The following TMEFF2 variants were observed in gnomAD, a reference collection of about 807,000 sequenced individuals.
The protein encoded by TMEFF2 is tomoregulin-2.
A neutral mutation model predicts 53.8 loss-of-function variants in TMEFF2; 28 were observed. That is an observed-to-expected ratio of 0.52 (90% CI 0.39 to 0.71). The LOEUF (loss-of-function observed/expected upper bound fraction) is 0.71. TMEFF2 is among the 30% of genes least tolerant of loss of function. The probability of loss-of-function intolerance (pLI) is 0.00; values close to 1 mark genes in which losing one functional copy is unlikely to be tolerated. For missense variants in TMEFF2, 353 were observed against 455.2 expected (o/e 0.78, Z 2.04); for synonymous variants, 162 against 166.3 (o/e 0.97, Z 0.20).
At chr2:192,103,854 G>A (rs1445923975) in intron 4 of TMEFF2, among the ~76,000 whole-genome samples, 1 of 151,450 alleles carries the variant, frequency 6.6e-6, no homozygotes, top group African/African-American at 2.4e-5. Flanking sequence ...GAGAGTAGAG[G>A]GAAAAAGAAA....
chr2:192,002,030 ATTTATTAT>A (rs1289631009), intron 5 of TMEFF2, among the ~76,000 whole-genome samples: 11 of 129,652 alleles, frequency 8.5e-5, no homozygotes, highest in African/African-American at 3.2e-4. Context: ...TTATTTATTT[ATTTATTAT>A]TTTTCAGTTT....
chr2:192,172,827 G>A (rs1389527158), intron 4 of TMEFF2, among the ~76,000 whole-genome samples: 1 of 151,896 alleles, frequency 6.6e-6, no homozygotes, highest in African/African-American at 2.4e-5. Context: ...CATAGAAGAT[G>A]ATGTCTGGTA....
chr2:192,010,292 G>T (rs1686595636), intron 5 of TMEFF2, among the ~76,000 whole-genome samples: 1 of 152,168 alleles, frequency 6.6e-6, no homozygotes, highest in Non-Finnish European at 1.5e-5. Flanking sequence ...TCCGAGAGAG[G>T]ACTGTGTGGT....
rs767041385 is a variant in TMEFF2, at chr2:192,003,926, T to TG, written c.537-4719dup. ...ATGAGTGAAAAAATTTGTGTGTGTG[T>TG]GTGGGGGGGGGGCTCACACTCACCT... On this transcript the variant is annotated intron_variant, in intron 5 of 9. Transcript: ENST00000272771. 7.8e-4 allele frequency among the ~76,000 whole-genome samples: 75 copies of TG among 96,452 alleles called. 3 individuals carry two copies. The highest frequency in any genetic ancestry group is 2.8e-3 in the African/African-American group (61 of 21,412). 63.3% of individuals were successfully genotyped at this position (96,452 alleles called of 152,430 possible).
chr2:192,138,350 A>G (rs1180893175), intron 4 of TMEFF2, among the ~76,000 whole-genome samples: 1 of 152,222 alleles, frequency 6.6e-6, no homozygotes, highest in East Asian at 1.9e-4. Context: ...GGGATAATAC[A>G]TTGCATTGCT....
chr2:192,184,783 C>T (rs917789757), intron 2 of TMEFF2, among the ~76,000 whole-genome samples: 2 of 151,908 alleles, frequency 1.3e-5, no homozygotes. Context: ...TATATTAATG[C>T]TACTTAATAT....
chr2:191,951,102 A>G (rs10173602), intron 9 of TMEFF2, among the ~76,000 whole-genome samples: 42,701 of 152,016 alleles, frequency 0.28, 6,141 homozygotes, highest in African/African-American at 0.31. Context: ...CAGAATATAT[A>G]AAAATATATG....
At chr2:192,153,954 A>C (rs1340155117) in intron 4 of TMEFF2, among the ~76,000 whole-genome samples, 1 of 151,846 alleles carries the variant, frequency 6.6e-6, no homozygotes, top group Non-Finnish European at 1.5e-5. Context: ...AAATTCTTAC[A>C]TGGTTGGGGG....
At chr2:192,058,972 C>T (rs200392682) in intron 4 of TMEFF2, among the ~76,000 whole-genome samples, 4 of 115,244 alleles carry the variant, frequency 3.5e-5, no homozygotes, top group Admixed American at 1.0e-4. Flanking sequence ...CTCTTCATTT[C>T]TTTTTTGTTT....
intron 4 of TMEFF2, among the ~76,000 whole-genome samples, chr2:192,171,818 A>G (rs1690921042): frequency 6.6e-6 from 1 of 151,922 alleles, no homozygotes; most frequent in African/African-American, 2.4e-5. Context: ...CATCACACTC[A>G]TTACCATATG....
chr2:192,193,736 TGAGAGAGA>T (rs201001713), intron 1 of TMEFF2, among the ~76,000 whole-genome samples: 3 of 119,320 alleles, frequency 2.5e-5, no homozygotes, highest in African/African-American at 3.4e-5. Context: ...GAGAAGGGAA[TGAGAGAGA>T]GAGAGAGATA....
chr2:192,124,395 T>C (rs1689628529), intron 4 of TMEFF2, among the ~76,000 whole-genome samples: 1 of 152,192 alleles, frequency 6.6e-6, no homozygotes. Flanking sequence ...AACCCAAGAA[T>C]GTAGTCAAGC....
intron 4 of TMEFF2, among the ~76,000 whole-genome samples, chr2:192,169,379 A>G (rs767671505): frequency 1.3e-5 from 2 of 152,108 alleles, no homozygotes; most frequent in Non-Finnish European, 2.9e-5. Flanking sequence ...ATCCCACTGA[A>G]CTACTATCAA....
chr2:192,162,733 G>A (rs1050132501), intron 4 of TMEFF2, among the ~76,000 whole-genome samples: 1 of 152,102 alleles, frequency 6.6e-6, no homozygotes, highest in African/African-American at 2.4e-5. Flanking sequence ...AGCTAAATGA[G>A]CTTTTAAAAA....
At chr2:192,110,339 T>C (rs771623249) in intron 4 of TMEFF2, among the ~76,000 whole-genome samples, 26 of 152,024 alleles carry the variant, frequency 1.7e-4, no homozygotes, top group Middle Eastern at 6.8e-3. Flanking sequence ...TTGAAATGGG[T>C]TGAGTGGTGA....
intron 4 of TMEFF2, among the ~76,000 whole-genome samples, chr2:192,079,632 C>T (rs1431203108): frequency 6.6e-6 from 1 of 152,160 alleles, no homozygotes; most frequent in Admixed American, 6.5e-5. Flanking sequence ...AATATATGTA[C>T]AAATAAAGAT....
chr2:192,178,201 T>C (rs1351155128), intron 4 of TMEFF2: 1 of 151,044 alleles, frequency 6.6e-6, no homozygotes, highest in Non-Finnish European at 1.5e-5. Flanking sequence ...GAATTTTGCA[T>C]AGAAACTGTT....
chr2:192,013,975 A>C (rs1004456322), intron 5 of TMEFF2, among the ~76,000 whole-genome samples: 1 of 152,250 alleles, frequency 6.6e-6, no homozygotes, highest in Admixed American at 6.5e-5. Flanking sequence ...TAAAGTTTAG[A>C]TTCAAATTAC....
intron 4 of TMEFF2, among the ~76,000 whole-genome samples, chr2:192,066,883 A>T (rs912969042): frequency 2.0e-5 from 3 of 151,906 alleles, no homozygotes; most frequent in Non-Finnish European, 4.4e-5. Flanking sequence ...TATTCCCAGG[A>T]TAATTTATTT....
Sources: gnomAD v4.1 joint callset for allele counts (sites outside exome capture counted in the v4.1 genomes callset) on GRCh38, gnomAD v4.1.1 for gene constraint, MANE v1.5 for transcripts, NCBI Gene and HGNC (gene_info 2026-07-23, HGNC 2026-07-21) for gene names.